The following ERC2 variants were observed in gnomAD, a reference collection of about 807,000 sequenced individuals.
ERC2 encodes the protein ERC protein 2.
In ERC2, 42 loss-of-function variants were observed where a neutral mutation model predicts 114.8. The ratio of observed to expected loss-of-function variants is 0.37; its 90% CI spans 0.29 to 0.47. The LOEUF (loss-of-function observed/expected upper bound fraction) is 0.47, where lower values mean the gene tolerates loss of function less well. Among genes scored for constraint, ERC2 ranks in the 20% least tolerant of loss-of-function variants. The pLI is 0.99. For synonymous variants in ERC2, 454 were observed against 425.5 expected (o/e 1.07, Z -0.82); for missense variants, 939 against 1,150.7 (o/e 0.82, Z 2.66).
At chr3:56,460,118 T>G (rs1254126186) in intron 1 of ERC2, among the ~76,000 whole-genome samples, 1 of 152,186 alleles carries the variant, frequency 6.6e-6, no homozygotes, top group Non-Finnish European at 1.5e-5. Flanking sequence ...AAGTCAGTGA[T>G]GTAGTGGCCT....
At chr3:56,114,305 C>A (rs920637375) in intron 6 of ERC2, among the ~76,000 whole-genome samples, 1 of 152,132 alleles carries the variant, frequency 6.6e-6, no homozygotes, top group Admixed American at 6.5e-5. Flanking sequence ...ATAAACCAGC[C>A]AGAGGAAGTC....
intron 17 of ERC2, among the ~76,000 whole-genome samples, chr3:55,537,234 A>T (rs1208448594): frequency 6.6e-6 from 1 of 152,202 alleles, no homozygotes; most frequent in African/African-American, 2.4e-5. Flanking sequence ...TGGGTGCCAC[A>T]AGCAATCAAT....
chr3:56,331,615 C>T (rs543113171), intron 2 of ERC2, among the ~76,000 whole-genome samples: 5 of 152,050 alleles, frequency 3.3e-5, no homozygotes, highest in Admixed American at 6.5e-5. Context: ...TGCACTAGGA[C>T]GTTCAAACAC....
chr3:56,003,261 A>G (rs1445286219), intron 10 of ERC2: 2 of 553,278 alleles, frequency 3.6e-6, no homozygotes, highest in African/African-American at 2.1e-5. Context: ...AAAAGAAGAA[A>G]TTTCAGTTTC....
intron 14 of ERC2, among the ~76,000 whole-genome samples, chr3:55,746,199 C>T (rs547083115): frequency 6.6e-5 from 10 of 151,996 alleles, no homozygotes; most frequent in South Asian, 2.1e-4. Flanking sequence ...ATTCTGTTAG[C>T]GCAACATTCA....
At chr3:55,956,444 AT>A (rs11298196) in intron 12 of ERC2, among the ~76,000 whole-genome samples, 19,031 of 151,118 alleles carry the variant, frequency 0.13, 1,662 homozygotes, top group East Asian at 0.25. Context: ...AGATTATTTC[AT>A]TTTTTTTTTG....
At chr3:56,006,015 T>G (rs541538700) in intron 10 of ERC2, among the ~76,000 whole-genome samples, 3 of 152,056 alleles carry the variant, frequency 2.0e-5, no homozygotes, top group Non-Finnish European at 4.4e-5. Context: ...TAAATATTGC[T>G]TGAAATAAGT....
At chr3:55,882,062 G>C (rs1260921521) in intron 14 of ERC2, among the ~76,000 whole-genome samples, 2 of 152,186 alleles carry the variant, frequency 1.3e-5, no homozygotes, top group African/African-American at 4.8e-5. Flanking sequence ...TTTGATCCCA[G>C]GTGGGGCCTA....
chr3:56,128,788 A>G (rs758337434), intron 6 of ERC2, among the ~76,000 whole-genome samples: 1 of 152,152 alleles, frequency 6.6e-6, no homozygotes, highest in Non-Finnish European at 1.5e-5. Flanking sequence ...TGGCCCTGGC[A>G]TTGCTGGGGC....
At chr3:56,159,027 G>A (rs2081901179) in intron 4 of ERC2, among the ~76,000 whole-genome samples, 1 of 152,078 alleles carries the variant, frequency 6.6e-6, no homozygotes, top group Admixed American at 6.6e-5. Flanking sequence ...TATGCTGGAT[G>A]CTGTCCTCAC....
chr3:56,020,525 C>A (rs2073636016), intron 7 of ERC2, among the ~76,000 whole-genome samples: 1 of 152,194 alleles, frequency 6.6e-6, no homozygotes, highest in South Asian at 2.1e-4. Flanking sequence ...TTCCTCCCTT[C>A]CAGACAAATG....
At chr3:55,548,610 C>T (rs373677080) in intron 17 of ERC2, among the ~76,000 whole-genome samples, 5 of 152,156 alleles carry the variant, frequency 3.3e-5, no homozygotes, top group East Asian at 1.9e-4. Context: ...TGGCCAAGGG[C>T]GGGGCTGGAG....
chr3:55,653,436 T>C (rs1003814512), intron 17 of ERC2, among the ~76,000 whole-genome samples: 1 of 152,222 alleles, frequency 6.6e-6, no homozygotes, highest in African/African-American at 2.4e-5. Context: ...CAAAGTATTA[T>C]AATCTATCAA....
intron 14 of ERC2, among the ~76,000 whole-genome samples, chr3:55,799,412 T>TTATA (rs1187385635): frequency 2.8e-5 from 3 of 107,068 alleles, no homozygotes; most frequent in African/African-American, 1.5e-4. Context: ...TATATATGCC[T>TTATA]TATATATATG....
chr3:56,043,411 G>C (rs1305882746), intron 7 of ERC2, among the ~76,000 whole-genome samples: 1 of 151,948 alleles, frequency 6.6e-6, no homozygotes, highest in Non-Finnish European at 1.5e-5. Flanking sequence ...ATAGCGTTGG[G>C]ATCAAGTTTC....
chr3:56,460,365 A>G (rs2063256781), intron 1 of ERC2, among the ~76,000 whole-genome samples: 2 of 152,244 alleles, frequency 1.3e-5, no homozygotes, highest in Admixed American at 1.3e-4. Flanking sequence ...CCACAGCATT[A>G]ACTCTGAGCA....
At position 55,564,679 on chromosome 3, in the gene ERC2, A is replaced by G. The variant is rs541761768; in HGVS notation, c.*40-53403T>C. On this transcript the variant is annotated intron_variant, in intron 17 of 17. Transcript: ENST00000288221. ...TGTATAGCCATCTGTCTAAATTCTG[A>G]CTAATGAAATATAAGCAGAGGGACT... Among the ~76,000 whole-genome samples, 89 of 152,360 alleles carry G rather than the reference A, an allele frequency of 5.8e-4. 1 individual carries two copies. The highest frequency in any genetic ancestry group is 2.0e-3 in the African/African-American group (85 of 41,582).
intron 6 of ERC2, among the ~76,000 whole-genome samples, chr3:56,120,410 AAGAG>A (rs2079509041): frequency 6.6e-6 from 1 of 152,212 alleles, no homozygotes; most frequent in Non-Finnish European, 1.5e-5. Context: ...GTAGAATGGC[AAGAG>A]AGAGTGATTA....
rs61573924 is a variant in ERC2 at position 55,850,845 on chromosome 3, A to AACACACACACAC, written c.2564+37532_2564+37543dup. The stretch of plus-strand genomic sequence containing the variant: ...TCCTGTTTCTAGATACTCTTTTTCA[A>AACACACACACAC]ACACACACACACACACACACACACA... On this transcript the variant is annotated intron_variant, in intron 14 of 17. Coordinates refer to ENST00000288221, the MANE Select transcript of ERC2 (RefSeq NM_015576.3). 6.7e-3 allele frequency among the ~76,000 whole-genome samples: 849 copies of AACACACACACAC among 125,934 alleles called. 22 individuals carry two copies. Among genetic ancestry groups the AACACACACACAC allele is most frequent in the African/African-American group, 0.011 (373 of 33,046 alleles). The allele number at this position is 125,934 out of a possible 152,430, so 82.6% of individuals were successfully genotyped here.
Sources: allele counts gnomAD v4.1 joint callset (sites outside exome capture counted in the v4.1 genomes callset), GRCh38; gene constraint gnomAD v4.1.1; transcripts MANE v1.5; gene names NCBI Gene and HGNC (gene_info 2026-07-23, HGNC 2026-07-21).